The following STK39 variants were observed in gnomAD, a reference collection of about 807,000 sequenced individuals.
The protein encoded by STK39 is serine/threonine kinase 39.
In STK39, 20 loss-of-function variants were observed where a neutral mutation model predicts 77.8. The observed-to-expected ratio is 0.26, with a 90% CI of 0.18 to 0.37. STK39 has a LOEUF of 0.37. Among genes scored for constraint, STK39 ranks in the 10% least tolerant of loss-of-function variants. The probability of loss-of-function intolerance (pLI) is 1.00; values close to 1 mark genes in which losing one functional copy is unlikely to be tolerated. For synonymous variants in STK39, 246 were observed against 234.1 expected (o/e 1.05, Z -0.47); for missense variants, 479 against 656.5 (o/e 0.73, Z 2.95).
Position 168,075,081 on chromosome 2 carries a change from T to C in STK39, c.1212+28A>G, listed in dbSNP as rs536337116. On this transcript the variant is annotated intron_variant, in intron 11 of 17. Coordinates refer to ENST00000355999, the MANE Select transcript of STK39 (RefSeq NM_013233.3). Reference sequence around the variant, plus strand: ...ATCACAAAAATAAAATTTACACAGATTAGCTCATCGTCAACGATGTCATTT... The same window carrying C: ...ATCACAAAAATAAAATTTACACAGACTAGCTCATCGTCAACGATGTCATTT... 6 of 1,614,190 alleles carry C rather than the reference T, an allele frequency of 3.7e-6. No individual in the cohort carries two copies. In the African/African-American group the frequency reaches 6.7e-5, roughly 18 times the overall value.
At position 168,138,143 on chromosome 2, in the gene STK39, C is replaced by G; in HGVS notation, c.919G>C (p.Gly307Arg). The change falls in exon 8 of 18, where the codon GGC (glycine) becomes CGC (arginine). Residue 307 changes from glycine (G) to arginine (R), a missense_variant. This residue lies in a region of STK39 where 244 missense variants were observed against 296.8 expected (regional missense o/e 0.82). Coordinates refer to ENST00000355999, the MANE Select transcript of STK39 (RefSeq NM_013233.3). ...GAAAGTAATTTTCTAAAGGACTTGC[C>G]GTACTTTTTCATCATTTCTTTATCC... ...VEDKEMMKKY[G>R]KSFRKLLSLC... 1 of 1,613,896 alleles carries G rather than the reference C, an allele frequency of 6.2e-7. No homozygotes were observed.
At chr2:168,093,305 A>G (rs1433277749) in intron 10 of STK39, among the ~76,000 whole-genome samples, 1 of 152,228 alleles carries the variant, frequency 6.6e-6, no homozygotes. Context: ...ATAAAGAAAA[A>G]GAGGTTTAAT....
intron 1 of STK39, among the ~76,000 whole-genome samples, chr2:168,229,409 A>G (rs1330646807): frequency 6.6e-6 from 1 of 151,954 alleles, no homozygotes; most frequent in Non-Finnish European, 1.5e-5. Context: ...ATTAAAAGGT[A>G]TAACAGTACA....
chr2:167,980,897 T>A (rs1285773338), intron 16 of STK39, among the ~76,000 whole-genome samples: 1 of 151,824 alleles, frequency 6.6e-6, no homozygotes, highest in Non-Finnish European at 1.5e-5. Flanking sequence ...TTCTTTTTTT[T>A]AATGTGTAGT....
At position 167,994,339 on chromosome 2, in the gene STK39, G is replaced by GA. The variant is rs199631815; in HGVS notation, c.1498+18294dup. Among the ~76,000 whole-genome samples, 70 of 151,524 alleles carry GA rather than the reference G, an allele frequency of 4.6e-4. 1 individual carries two copies. The highest frequency in any genetic ancestry group is 1.2e-4 in the African/African-American group (5 of 41,246). On this transcript the variant is annotated intron_variant, in intron 16 of 17. Transcript: ENST00000355999. Reference sequence around the variant, plus strand: ...TCATGATGTAGTTACCAGTGAAAAAGAAAAAAAATCAATACTACTGATTTT... The same window carrying GA: ...TCATGATGTAGTTACCAGTGAAAAAGAAAAAAAAATCAATACTACTGATTTT...
intron 16 of STK39, among the ~76,000 whole-genome samples, chr2:167,968,985 C>A (rs1247102543): frequency 2.6e-5 from 4 of 152,132 alleles, no homozygotes; most frequent in Non-Finnish European, 4.4e-5. Flanking sequence ...ATTCGTGAGC[C>A]AGGGTGCCGG....
chr2:167,967,230 C>T (rs959323112), intron 16 of STK39, among the ~76,000 whole-genome samples: 3 of 152,196 alleles, frequency 2.0e-5, no homozygotes, highest in Non-Finnish European at 2.9e-5. Context: ...AAAACTCATG[C>T]CCCTTGGTTT....
intron 10 of STK39, among the ~76,000 whole-genome samples, chr2:168,122,371 T>C (rs1193494063): frequency 2.0e-5 from 3 of 152,194 alleles, no homozygotes; most frequent in Non-Finnish European, 4.4e-5. Flanking sequence ...GATCTTGTTC[T>C]TTTTTATGGC....
intron 2 of STK39, among the ~76,000 whole-genome samples, chr2:168,170,200 G>T (rs72874998): frequency 0.055 from 8,328 of 152,110 alleles, 323 homozygotes; most frequent in Non-Finnish European, 0.086. Context: ...AACAATGATG[G>T]GTGTTATTTG....
chr2:168,115,892 C>T (rs1326503904), intron 10 of STK39, among the ~76,000 whole-genome samples: 1 of 152,154 alleles, frequency 6.6e-6, no homozygotes, highest in Non-Finnish European at 1.5e-5. Flanking sequence ...GAAGAAGGGA[C>T]TAGACCATGC....
At chr2:168,114,824 G>C (rs545702340) in intron 10 of STK39, among the ~76,000 whole-genome samples, 2 of 152,108 alleles carry the variant, frequency 1.3e-5, no homozygotes, top group Non-Finnish European at 2.9e-5. Context: ...TGAAAACGGC[G>C]TGGTCTTACT....
At chr2:168,216,809 G>C (rs985384511) in intron 1 of STK39, among the ~76,000 whole-genome samples, 1 of 152,216 alleles carries the variant, frequency 6.6e-6, no homozygotes, top group Non-Finnish European at 1.5e-5. Context: ...TTCATCTCCT[G>C]AGAGGTCTTG....
chr2:168,040,799 A>T (rs1038232303), intron 14 of STK39, among the ~76,000 whole-genome samples: 1 of 152,210 alleles, frequency 6.6e-6, no homozygotes, highest in African/African-American at 2.4e-5. Context: ...ATCTCTGTAT[A>T]TGTTTATCTT....
At position 168,138,143 on chromosome 2, in the gene STK39, C is replaced by T. The variant is rs558024642; in HGVS notation, c.919G>A (p.Gly307Ser). ...GAAAGTAATTTTCTAAAGGACTTGC[C>T]GTACTTTTTCATCATTTCTTTATCC... The part of the protein sequence containing the change: ...VEDKEMMKKY[G>S]KSFRKLLSLC... Residue 307 changes from glycine to serine, a missense_variant, in exon 8 of 18, where the codon GGC (glycine) becomes AGC (serine). By Grantham distance (56) the Gly-to-Ser change is moderately conservative. Coordinates refer to ENST00000355999, the MANE Select transcript of STK39 (RefSeq NM_013233.3). 8.1e-6 allele frequency: 13 copies of T among 1,613,896 alleles called. No homozygotes were observed. Among genetic ancestry groups the T allele is most frequent in the Admixed American group, 6.7e-5 (4 of 60,014 alleles).
intron 1 of STK39, among the ~76,000 whole-genome samples, chr2:168,219,775 C>A (rs1690116673): frequency 6.6e-6 from 1 of 151,880 alleles, no homozygotes; most frequent in African/African-American, 2.4e-5. Context: ...AAAGACGAGA[C>A]AGTGTTCACA....
intron 10 of STK39, among the ~76,000 whole-genome samples, chr2:168,125,650 G>A (rs1225656459): frequency 2.6e-5 from 4 of 152,136 alleles, no homozygotes. Context: ...AAAGAACCCA[G>A]AATGGACCAA....
At chr2:168,167,565 A>C (rs1188609105) in intron 2 of STK39, among the ~76,000 whole-genome samples, 158 bp from the exon 3 acceptor site, 5 of 152,170 alleles carry the variant, frequency 3.3e-5, no homozygotes, top group Non-Finnish European at 5.9e-5. Flanking sequence ...ATAAGGACCA[A>C]TTCTCTCACC....
intron 10 of STK39, among the ~76,000 whole-genome samples, chr2:168,087,494 A>G (rs764544773): frequency 1.3e-5 from 2 of 152,260 alleles, no homozygotes; most frequent in African/African-American, 2.4e-5. Flanking sequence ...CTGATTCAAT[A>G]CGTGGAAAAG....
intron 1 of STK39, among the ~76,000 whole-genome samples, chr2:168,203,843 C>T (rs1303253137): frequency 6.6e-6 from 1 of 152,226 alleles, no homozygotes; most frequent in Non-Finnish European, 1.5e-5. Flanking sequence ...ATCCACCCAC[C>T]TCGGCCTCCC....
Sources: allele counts gnomAD v4.1 joint callset (sites outside exome capture counted in the v4.1 genomes callset), GRCh38; gene constraint gnomAD v4.1.1; regional missense constraint gnomAD v4.1.1; transcripts MANE v1.5; gene names NCBI Gene and HGNC (gene_info 2026-07-23, HGNC 2026-07-21).